HTR1F: variants seen among roughly 807,000 people sequenced by gnomAD.
HTR1F encodes 5-hydroxytryptamine receptor 1F, also known as 5-hydroxytryptamine (serotonin) receptor 1F, G protein-coupled.
Under a neutral mutation model 24.0 loss-of-function variants are expected in HTR1F, and 17 were observed. The ratio of observed to expected loss-of-function variants is 0.71; its 90% CI spans 0.48 to 1.06. The LOEUF is 1.06. Among genes scored for constraint, HTR1F ranks in the 50% least tolerant of loss-of-function variants. The probability of loss-of-function intolerance (pLI) is 0.00; values close to 1 mark genes in which losing one functional copy is unlikely to be tolerated. For synonymous variants in HTR1F, 186 were observed against 156.8 expected (o/e 1.19, Z -1.39); for missense variants, 391 against 427.8 (o/e 0.91, Z 0.76).
At chr3:87,967,580 G>T (rs564354207) in intron 2 of HTR1F, among the ~76,000 whole-genome samples, 1 of 30,268 alleles carries the variant, frequency 3.3e-5, no homozygotes, top group East Asian at 1.9e-3. Flanking sequence ...GGAGGTAATT[G>T]AATCATGGGG....
At position 87,933,310 on chromosome 3, in the gene HTR1F, C is replaced by T. The variant is rs1230252150; in HGVS notation, c.-42-57398C>T. ...AACTGGCACAAGACAGGGATGCCCT[C>T]TCTCACCACTCCTATTCAACATAGT... On this transcript the variant is annotated intron_variant, in intron 2 of 2. Transcript: ENST00000319595. Among the ~76,000 whole-genome samples, 79 of 150,626 alleles carry T rather than the reference C, an allele frequency of 5.2e-4. 1 individual carries two copies. Among genetic ancestry groups the T allele is most frequent in the African/African-American group, 1.8e-3 (73 of 41,208 alleles).
At chr3:87,948,040 C>A (rs1394704972) in intron 2 of HTR1F, among the ~76,000 whole-genome samples, 2 of 152,016 alleles carry the variant, frequency 1.3e-5, no homozygotes, top group Non-Finnish European at 2.9e-5. Context: ...TATTACTAAT[C>A]TTGGATGTTT....
intron 2 of HTR1F, among the ~76,000 whole-genome samples, chr3:87,916,529 T>A (rs1204880963): frequency 6.6e-6 from 1 of 151,670 alleles, no homozygotes; most frequent in Non-Finnish European, 1.5e-5. Context: ...AGTAAAGGGG[T>A]GGAAAAACAC....
chr3:87,794,502 C>T (rs148768452), intron 1 of HTR1F, among the ~76,000 whole-genome samples: 1 of 152,326 alleles, frequency 6.6e-6, no homozygotes, highest in East Asian at 1.9e-4. Flanking sequence ...CTGCTATTAA[C>T]TTAGGAGTTC....
intron 2 of HTR1F, among the ~76,000 whole-genome samples, chr3:87,904,717 A>C (rs560947372): frequency 3.9e-5 from 6 of 152,230 alleles, no homozygotes; most frequent in African/African-American, 1.4e-4. Context: ...CATAATGTTG[A>C]GCAAAAGAAG....
intron 2 of HTR1F, among the ~76,000 whole-genome samples, chr3:87,909,718 C>T (rs1380637859): frequency 6.6e-6 from 1 of 151,986 alleles, no homozygotes; most frequent in Non-Finnish European, 1.5e-5. Flanking sequence ...TCTAAACAGA[C>T]AGCCCCAGAG....
intron 2 of HTR1F, among the ~76,000 whole-genome samples, chr3:87,878,601 T>G (rs1291580869): frequency 6.6e-6 from 1 of 152,060 alleles, no homozygotes; most frequent in Non-Finnish European, 1.5e-5. Flanking sequence ...GGCATTGTGC[T>G]CTCAGATCTA....
chr3:87,951,724 AAATAT>A (rs1704837675), intron 2 of HTR1F, among the ~76,000 whole-genome samples: 1 of 152,114 alleles, frequency 6.6e-6, no homozygotes, highest in African/African-American at 2.4e-5. Context: ...AGATGTAGGC[AAATAT>A]ATAGTTATAT....
At chr3:87,879,097 T>A (rs190108158) in intron 2 of HTR1F, among the ~76,000 whole-genome samples, 1 of 152,206 alleles carries the variant, frequency 6.6e-6, no homozygotes, top group East Asian at 1.9e-4. Flanking sequence ...GAATTTCTTC[T>A]TGGCTACCTG....
chr3:87,925,162 G>A (rs532789677), intron 2 of HTR1F, among the ~76,000 whole-genome samples: 1 of 152,138 alleles, frequency 6.6e-6, no homozygotes, highest in African/African-American at 2.4e-5. Context: ...TGAGGCAGCA[G>A]TGTGGCTTTG....
rs1488175467 is a variant in HTR1F at position 87,992,502 on chromosome 3, A to G, written c.*652A>G. The stretch of plus-strand genomic sequence containing the variant: ...TACTGAACTTGTGCATATTTAATGT[A>G]TTATGTTTGATATAAACTTCTAGAA... On this transcript the variant is annotated 3_prime_UTR_variant, in exon 3 of 3. Coordinates refer to ENST00000319595, the MANE Select transcript of HTR1F (RefSeq NM_001322209.2). 1 of 167,026 alleles carries G rather than the reference A, an allele frequency of 6.0e-6. No homozygotes were observed. The highest frequency in any genetic ancestry group is 2.4e-5 in the African/African-American group (1 of 41,450). 10.3% of individuals were successfully genotyped at this position (167,026 alleles called of 1,614,324 possible).
chr3:87,815,762 A>C (rs1704239193), intron 1 of HTR1F, among the ~76,000 whole-genome samples: 1 of 152,148 alleles, frequency 6.6e-6, no homozygotes, highest in South Asian at 2.1e-4. Context: ...TGATTACTAT[A>C]GATGCCAACA....
At chr3:87,882,403 C>T (rs1216729393) in intron 2 of HTR1F, among the ~76,000 whole-genome samples, 2 of 152,120 alleles carry the variant, frequency 1.3e-5, no homozygotes, top group Non-Finnish European at 2.9e-5. Context: ...AAGACATATG[C>T]ACACATATGT....
intron 2 of HTR1F, among the ~76,000 whole-genome samples, chr3:87,949,035 A>T (rs1207770806): frequency 6.6e-6 from 1 of 152,126 alleles, no homozygotes; most frequent in Admixed American, 6.5e-5. Flanking sequence ...ATATTCTATC[A>T]ATGTTTAGCT....
intron 2 of HTR1F, among the ~76,000 whole-genome samples, chr3:87,908,898 C>G (rs531407221): frequency 1.3e-5 from 2 of 152,074 alleles, no homozygotes; most frequent in South Asian, 4.2e-4. Context: ...AGAGGAAAAC[C>G]TTTCTTAATA....
intron 2 of HTR1F, among the ~76,000 whole-genome samples, chr3:87,920,515 A>C (rs1703991296): frequency 6.6e-6 from 1 of 152,056 alleles, no homozygotes; most frequent in South Asian, 2.1e-4. Flanking sequence ...ATATTTTTTA[A>C]AAAAGAAATG....
At chr3:87,978,659 C>T (rs1338414003) in intron 2 of HTR1F, among the ~76,000 whole-genome samples, 2 of 151,836 alleles carry the variant, frequency 1.3e-5, no homozygotes, top group African/African-American at 4.8e-5. Context: ...AGCTCCTTTC[C>T]CCAGGCAGGT....
intron 1 of HTR1F, among the ~76,000 whole-genome samples, chr3:87,799,668 C>A (rs1703962299): frequency 6.6e-6 from 1 of 152,148 alleles, no homozygotes; most frequent in South Asian, 2.1e-4. Flanking sequence ...GAGAATAAAA[C>A]CCTCACTATC....
At chr3:87,914,035 C>T (rs1472503091) in intron 2 of HTR1F, among the ~76,000 whole-genome samples, 5 of 152,116 alleles carry the variant, frequency 3.3e-5, no homozygotes, top group Non-Finnish European at 7.4e-5. Context: ...CGGCAGACAC[C>T]CCAAATACTG....
Sources: gnomAD v4.1 joint callset for allele counts (sites outside exome capture counted in the v4.1 genomes callset) on GRCh38, gnomAD v4.1.1 for gene constraint, MANE v1.5 for transcripts, NCBI Gene and HGNC (gene_info 2026-07-23, HGNC 2026-07-21) for gene names.